Variants in CADM2 observed in about 807,000 individuals in gnomAD.
The protein encoded by CADM2 is cell adhesion molecule 2, also known as immunoglobulin superfamily member 4D.
A neutral mutation model predicts 49.8 loss-of-function variants in CADM2; 12 were observed. The ratio of observed to expected loss-of-function variants is 0.24; its 90% CI spans 0.15 to 0.39. The LOEUF is 0.39. Ranked by LOEUF, CADM2 falls within the 10% of genes least tolerant of loss-of-function variation. The pLI, the probability that CADM2 is intolerant of heterozygous loss-of-function variation, is 1.00. For missense variants in CADM2, 378 were observed against 492.3 expected (o/e 0.77, Z 2.20); for synonymous variants, 214 against 175.4 (o/e 1.22, Z -1.74).
intron 1 of CADM2, among the ~76,000 whole-genome samples, chr3:85,379,355 A>T (rs1314033736): frequency 5.3e-5 from 8 of 151,996 alleles, no homozygotes; most frequent in African/African-American, 1.9e-4. Context: ...TAGAGTTTAG[A>T]TGAAGGTAAA....
At chr3:85,859,886 G>A (rs2075457893) in intron 3 of CADM2, among the ~76,000 whole-genome samples, 1 of 151,944 alleles carries the variant, frequency 6.6e-6, no homozygotes, top group Non-Finnish European at 1.5e-5. Flanking sequence ...AAGAAATACT[G>A]TTCTATTTAT....
chr3:85,741,151 T>C (rs2068366280), intron 2 of CADM2, among the ~76,000 whole-genome samples: 1 of 152,152 alleles, frequency 6.6e-6, no homozygotes, highest in South Asian at 2.1e-4. Flanking sequence ...GAGGTTAAAA[T>C]TTTTGAACCA....
rs373143823 is a variant in CADM2 at position 85,630,848 on chromosome 3, T to C, written c.62-95674T>C. Among the ~76,000 whole-genome samples, 7 of 152,056 alleles carry C rather than the reference T, an allele frequency of 4.6e-5. No homozygotes were observed. In the East Asian group the frequency reaches 1.4e-3, roughly 29 times the overall value. ...ATATAACTCCCTCTCCACAGAGCAG[T>C]CAGAGAGATCTATTAAAATATCAAC... On this transcript the variant is annotated intron_variant, in intron 1 of 9. Transcript: ENST00000383699.
intron 1 of CADM2, among the ~76,000 whole-genome samples, chr3:85,296,715 T>G (rs893000131): frequency 6.6e-6 from 1 of 152,096 alleles, no homozygotes; most frequent in African/African-American, 2.4e-5. Context: ...ATTTCTAAGA[T>G]CTAATCAAAT....
At chr3:85,617,511 A>G (rs1411901932) in intron 1 of CADM2, among the ~76,000 whole-genome samples, 1 of 152,146 alleles carries the variant, frequency 6.6e-6, no homozygotes, top group Non-Finnish European at 1.5e-5. Context: ...CCATGTGTTC[A>G]TCCAGAAGCT....
intron 1 of CADM2, among the ~76,000 whole-genome samples, chr3:85,039,096 G>T (rs1199560530): frequency 6.6e-6 from 1 of 152,058 alleles, no homozygotes; most frequent in Admixed American, 6.6e-5. Context: ...CTGCCTCCTC[G>T]GTTCAAGCGA....
chr3:85,327,406 C>G (rs1033836130), intron 1 of CADM2, among the ~76,000 whole-genome samples: 2 of 151,894 alleles, frequency 1.3e-5, no homozygotes, highest in Non-Finnish European at 2.9e-5. Context: ...CAGGTGCACA[C>G]CACCATGCCA....
chr3:85,374,430 G>A (rs995606874), intron 1 of CADM2, among the ~76,000 whole-genome samples: 37 of 152,068 alleles, frequency 2.4e-4, no homozygotes, highest in African/African-American at 8.2e-4. Context: ...AAGTCTGTAG[G>A]ATGCTCCAAA....
chr3:85,074,039 C>A (rs2036853718), intron 1 of CADM2, among the ~76,000 whole-genome samples: 1 of 152,060 alleles, frequency 6.6e-6, no homozygotes, highest in South Asian at 2.1e-4. Context: ...TTCCCGGTTG[C>A]ATTAGCCACA....
At chr3:85,185,812 A>G (rs1025669706) in intron 1 of CADM2, among the ~76,000 whole-genome samples, 5 of 152,218 alleles carry the variant, frequency 3.3e-5, no homozygotes, top group Admixed American at 3.3e-4. Context: ...TTGCTTCTTC[A>G]GCTGCTCTTA....
intron 1 of CADM2, among the ~76,000 whole-genome samples, chr3:85,180,501 C>T (rs1454647400): frequency 1.4e-5 from 2 of 139,192 alleles, no homozygotes; most frequent in Non-Finnish European, 1.5e-5. Context: ...AGAGTGAGAC[C>T]CTGTCTCAAA....
chr3:85,567,333 A>G (rs371118616), intron 1 of CADM2, among the ~76,000 whole-genome samples: 1 of 152,078 alleles, frequency 6.6e-6, no homozygotes, highest in African/African-American at 2.4e-5. Context: ...TTCCATGAGT[A>G]TTTTCTTTTC....
At chr3:85,779,721 C>G (rs559890126) in intron 2 of CADM2, among the ~76,000 whole-genome samples, 1 of 152,220 alleles carries the variant, frequency 6.6e-6, no homozygotes, top group Admixed American at 6.5e-5. Context: ...ACAACCAAGC[C>G]ATATCACCTA....
intron 8 of CADM2, chr3:86,014,244 C>G (rs1293971804): frequency 7.7e-7 from 1 of 1,301,874 alleles, no homozygotes. Flanking sequence ...AGCATTTATA[C>G]TCTGCAGTGC....
At chr3:85,119,942 C>G (rs558275334) in intron 1 of CADM2, among the ~76,000 whole-genome samples, 4 of 152,184 alleles carry the variant, frequency 2.6e-5, no homozygotes, top group African/African-American at 9.6e-5. Flanking sequence ...ATGCAGCTGA[C>G]AAAGGACTAG....
At chr3:85,983,817 A>G (rs1577861481) in intron 8 of CADM2, among the ~76,000 whole-genome samples, 1 of 144,260 alleles carries the variant, frequency 6.9e-6, no homozygotes, top group Non-Finnish European at 1.5e-5. Flanking sequence ...CTATCTATCT[A>G]TCTTTCATCT....
chr3:85,108,342 G>A (rs948412884), intron 1 of CADM2, among the ~76,000 whole-genome samples: 8 of 152,194 alleles, frequency 5.3e-5, no homozygotes, highest in Admixed American at 5.2e-4. Flanking sequence ...TGTGGTGTAT[G>A]CATATAATGT....
chr3:85,498,654 A>G (rs547238671), intron 1 of CADM2, among the ~76,000 whole-genome samples: 6 of 152,256 alleles, frequency 3.9e-5, no homozygotes, highest in African/African-American at 1.4e-4. Flanking sequence ...ACTGCATATA[A>G]TTAGTGTAAG....
At position 85,662,975 on chromosome 3, in the gene CADM2, C is replaced by A. The variant is rs1180204043; in HGVS notation, c.62-63547C>A. On this transcript the variant is annotated intron_variant, in intron 1 of 9. Coordinates refer to ENST00000383699, the MANE Select transcript of CADM2 (RefSeq NM_001167675.2). ...GCTTGAATCCTACCCTTTCTGGGTG[C>A]CACATCTTAGAAATGGCACTAATAT... is the stretch of plus-strand genomic sequence containing the variant. Among the ~76,000 whole-genome samples, 4 of 152,050 alleles carry A rather than the reference C, an allele frequency of 2.6e-5. No individual in the cohort carries two copies. The South Asian group carries it at 8.3e-4, about 31-fold the overall frequency.
Sources: gnomAD v4.1 joint callset for allele counts (sites outside exome capture counted in the v4.1 genomes callset) on GRCh38, gnomAD v4.1.1 for gene constraint, MANE v1.5 for transcripts, NCBI Gene and HGNC (gene_info 2026-07-23, HGNC 2026-07-21) for gene names.